The following ADGRV1 variants were observed in gnomAD, a reference collection of about 807,000 sequenced individuals.
The protein encoded by ADGRV1 is G-protein coupled receptor 98.
Under a neutral mutation model 596.2 loss-of-function variants are expected in ADGRV1, and 359 were observed. The observed-to-expected ratio is 0.60, with a 90% confidence interval of 0.55 to 0.66. The LOEUF (loss-of-function observed/expected upper bound fraction) is 0.66, where lower values mean the gene tolerates loss of function less well. Among genes scored for constraint, ADGRV1 ranks in the 30% least tolerant of loss-of-function variants. The probability of loss-of-function intolerance (pLI) is 0.00; values close to 1 mark genes in which losing one functional copy is unlikely to be tolerated. For synonymous variants in ADGRV1, 2,681 were observed against 2,679.2 expected (o/e 1.00, Z -0.02); for missense variants, 7,274 against 7,575.6 (o/e 0.96, Z 1.48).
intron 89 of ADGRV1, among the ~76,000 whole-genome samples, chr5:91,155,081 A>G (rs990987385): frequency 6.6e-6 from 1 of 152,218 alleles, no homozygotes; most frequent in African/African-American, 2.4e-5. Context: ...CCTTTGCTAG[A>G]TATTGCTGAA....
rs1763178612 is a variant in ADGRV1, at chr5:90,614,952, G to A, written c.140G>A (p.Ser47Asn). 1 of 1,585,404 alleles carries A rather than the reference G, an allele frequency of 6.3e-7. No individual in the cohort carries two copies. Among genetic ancestry groups the A allele is most frequent in the Non-Finnish European group, 8.6e-7 (1 of 1,162,902 alleles). Residue 47 changes from serine (S) to asparagine (N), a missense_variant, in exon 2 of 90, where the codon AGT (serine) becomes AAT (asparagine). This residue lies in a region of ADGRV1 where 1,715 missense variants were observed against 1,708.8 expected (regional missense o/e 1.00). Coordinates refer to ENST00000405460, the MANE Select transcript of ADGRV1 (RefSeq NM_032119.4). ...ACTGAATTTGTTGTTAATGAAACAA[G>A]TACAACAGTTATTCGTCTTATCATT... is the stretch of plus-strand genomic sequence containing the variant. The part of the protein sequence containing the change: ...GQTEFVVNET[S>N]TTVIRLIIER...
intron 83 of ADGRV1, among the ~76,000 whole-genome samples, chr5:90,927,241 G>T (rs1211042026): frequency 1.3e-5 from 2 of 151,010 alleles, no homozygotes; most frequent in Non-Finnish European, 2.9e-5. Flanking sequence ...GGGTGTTAAA[G>T]TCTCCCATTA....
At chr5:90,951,168 G>T (rs867416452) in intron 83 of ADGRV1, among the ~76,000 whole-genome samples, 2 of 152,072 alleles carry the variant, frequency 1.3e-5, no homozygotes, top group Non-Finnish European at 2.9e-5. Flanking sequence ...AATGTCGTCC[G>T]TATAGCCCAC....
At position 90,777,358 on chromosome 5, in the gene ADGRV1, G is replaced by A. The variant is rs376023969; in HGVS notation, c.12528-547G>A. 8.5e-5 allele frequency among the ~76,000 whole-genome samples: 13 copies of A among 152,260 alleles called. No homozygotes were observed. In the Middle Eastern group the frequency reaches 0.01, roughly 120 times the overall value. ...AACATGAGATTTATGTGGGGACACA[G>A]AGCCAAACCATATCAGGGCCTATCA... On this transcript the variant is annotated intron_variant, in intron 61 of 89. Coordinates refer to ENST00000405460, the MANE Select transcript of ADGRV1 (RefSeq NM_032119.4).
intron 85 of ADGRV1, among the ~76,000 whole-genome samples, chr5:91,041,133 T>C (rs1297437684): frequency 6.6e-6 from 1 of 152,172 alleles, no homozygotes; most frequent in Non-Finnish European, 1.5e-5. Context: ...AATCCCATTA[T>C]TGGGTATATA....
chr5:91,031,153 A>C, intron 85 of ADGRV1: 1 of 1,385,596 alleles, frequency 7.2e-7, no homozygotes, highest in South Asian at 1.2e-5. Context: ...GTAAGGTATT[A>C]GAAAAATAAT....
At chr5:91,038,966 G>A (rs997823865) in intron 85 of ADGRV1, among the ~76,000 whole-genome samples, 5 of 152,130 alleles carry the variant, frequency 3.3e-5, no homozygotes, top group African/African-American at 9.7e-5. Flanking sequence ...TGCTCCCCAT[G>A]TTGATTCTAA....
intron 54 of ADGRV1, among the ~76,000 whole-genome samples, chr5:90,754,102 TTTTAC>T (rs1167326588): frequency 6.6e-6 from 1 of 152,130 alleles, no homozygotes; most frequent in Non-Finnish European, 1.5e-5. Context: ...CTGTTTTTTA[TTTTAC>T]TTTATCTTTT....
chr5:90,945,187 C>T (rs1776467683), intron 83 of ADGRV1, among the ~76,000 whole-genome samples: 1 of 152,032 alleles, frequency 6.6e-6, no homozygotes, highest in Non-Finnish European at 1.5e-5. Flanking sequence ...AAAAGCAAAA[C>T]CACAGGGCAC....
At position 90,853,521 on chromosome 5, in the gene ADGRV1, C is replaced by A. The variant is rs373215743; in HGVS notation, c.17442C>A (p.Thr5814=). The change falls in exon 80 of 90, where the codon ACC becomes ACA. Residue 5814 remains threonine (T), a synonymous_variant. Transcript: ENST00000405460. The part of the protein sequence containing the change: ...QWFISGNNLP[T]LKNKVLSLSV... ...TTATAAGTGGAAACAATCTTCCTAC[C>A]CTAAAAAATAAGGTAATCTTTCATT... 31 of 1,609,268 alleles carry A rather than the reference C, an allele frequency of 1.9e-5. No individual in the cohort carries two copies. The African/African-American group carries it at 2.5e-4, about 13-fold the overall frequency.
intron 76 of ADGRV1, among the ~76,000 whole-genome samples, chr5:90,828,640 G>A (rs929868912): frequency 6.6e-6 from 1 of 151,990 alleles, no homozygotes; most frequent in Non-Finnish European, 1.5e-5. Context: ...ATAGTGTTTT[G>A]TGGTATGAAT....
At chr5:90,621,024 C>A (rs1338509012) in intron 4 of ADGRV1, among the ~76,000 whole-genome samples, 2 of 152,148 alleles carry the variant, frequency 1.3e-5, no homozygotes, top group African/African-American at 2.4e-5. Flanking sequence ...TCTGGCCAAT[C>A]CTGTGATCAG....
At chr5:90,930,346 A>G (rs1035437366) in intron 83 of ADGRV1, among the ~76,000 whole-genome samples, 7 of 152,228 alleles carry the variant, frequency 4.6e-5, no homozygotes, top group Non-Finnish European at 8.8e-5. Context: ...ACAAACAGAA[A>G]TAGTGAATGA....
At chr5:91,001,117 G>A (rs1781822358) in intron 85 of ADGRV1, among the ~76,000 whole-genome samples, 1 of 152,000 alleles carries the variant, frequency 6.6e-6, no homozygotes, top group African/African-American at 2.4e-5. Flanking sequence ...GTCTCATGTT[G>A]CCCAGGCTGG....
chr5:90,731,191 G>A (rs766303147), intron 50 of ADGRV1, among the ~76,000 whole-genome samples: 2 of 152,144 alleles, frequency 1.3e-5, no homozygotes, highest in Non-Finnish European at 1.5e-5. Flanking sequence ...GCCTCAGGAA[G>A]CTTACAGTCA....
In ADGRV1 at chr5:90,653,706, A is replaced by C. The variant is rs749542170; in HGVS notation, c.4132A>C (p.Asn1378His). 15 of 1,613,276 alleles carry C rather than the reference A, an allele frequency of 9.3e-6. No individual in the cohort carries two copies. Among genetic ancestry groups the C allele is most frequent in the Non-Finnish European group, 1.3e-5 (15 of 1,179,604 alleles). Residue 1378 changes from asparagine (N) to histidine (H), a missense_variant, in exon 20 of 90, where the codon AAT becomes CAT. By Grantham distance (68) the Asn-to-His change is moderately conservative. Around this residue, in one of 5 missense-constraint regions of ADGRV1, gnomAD observed 1,715 missense variants for 1,708.8 expected, o/e 1.00. Coordinates refer to ENST00000405460, the MANE Select transcript of ADGRV1 (RefSeq NM_032119.4). ...NGFIIAKDDGNGSIYYGVKIQ... is the reference protein window; with the variant it reads ...NGFIIAKDDGHGSIYYGVKIQ... ...ATTCATTATAGCGAAGGATGACGGTAATGGAAGCATCTACTACGGGGTAAA... is the reference window on the plus strand; with the variant it reads ...ATTCATTATAGCGAAGGATGACGGTCATGGAAGCATCTACTACGGGGTAAA...
In ADGRV1 at chr5:90,649,566, G is replaced by A. The variant is rs144385536; in HGVS notation, c.3289+1802G>A. Among the ~76,000 whole-genome samples, 1,317 of 152,024 alleles carry A rather than the reference G, an allele frequency of 8.7e-3. 20 individuals carry two copies. The highest frequency in any genetic ancestry group is 0.031 in the African/African-American group (1,271 of 41,480). On this transcript the variant is annotated intron_variant, in intron 17 of 89. Transcript: ENST00000405460. ...TGCAGTGGTGTGATCTCAGCTCACCGCAACCTCTGCCTCCTAGGTTCAAGC... is the reference window on the plus strand; with the variant it reads ...TGCAGTGGTGTGATCTCAGCTCACCACAACCTCTGCCTCCTAGGTTCAAGC...
intron 83 of ADGRV1, among the ~76,000 whole-genome samples, chr5:90,917,075 G>A (rs28368305): frequency 0.45 from 68,279 of 151,928 alleles, 15,660 homozygotes; most frequent in East Asian, 0.65. Flanking sequence ...AGACCATATC[G>A]AAAAGAATGA....
Position 90,683,586 on chromosome 5 carries a change from G to A in ADGRV1, c.5665G>A (p.Val1889Ile), listed in dbSNP as rs760468429. The change falls in exon 28 of 90, where the codon GTT becomes ATT. Residue 1889 changes from valine (V) to isoleucine (I), a missense_variant and splice_region_variant. Transcript: ENST00000405460. ...EDGYSTVTLN[V>I]IRHHGTLSPV... is the part of the protein sequence containing the mutation. Reference sequence around the variant, plus strand: ...GATTTTAATATTAAGTATTTTGTAGGTTATAAGACATCATGGAACTCTGTC... The same window carrying A: ...GATTTTAATATTAAGTATTTTGTAGATTATAAGACATCATGGAACTCTGTC... 33 of 1,589,090 alleles carry A rather than the reference G, an allele frequency of 2.1e-5. No homozygotes were observed. Among genetic ancestry groups the A allele is most frequent in the Non-Finnish European group, 2.8e-5 (32 of 1,162,560 alleles).
Sources: allele counts gnomAD v4.1 joint callset (sites outside exome capture counted in the v4.1 genomes callset), GRCh38; gene constraint gnomAD v4.1.1; regional missense constraint gnomAD v4.1.1; transcripts MANE v1.5; gene names NCBI Gene and HGNC (gene_info 2026-07-23, HGNC 2026-07-21).